The following CELF2 variants were observed in gnomAD, a reference collection of about 807,000 sequenced individuals.
CELF2 encodes CUGBP Elav-like family member 2, also known as CUG triplet repeat RNA-binding protein 2.
A neutral mutation model predicts 62.6 loss-of-function variants in CELF2; 8 were observed. The observed-to-expected ratio is 0.13, with a 90% confidence interval of 0.07 to 0.23. The LOEUF is 0.23. Ranked by LOEUF, CELF2 falls within the 10% of genes least tolerant of loss-of-function variation. CELF2 has a pLI of 1.00. For synonymous variants in CELF2, 258 were observed against 250.0 expected (o/e 1.03, Z -0.30); for missense variants, 333 against 671.0 (o/e 0.50, Z 5.56).
At position 10,995,388 on chromosome 10, in the gene CELF2, G is replaced by C. The variant is rs1053484729; in HGVS notation, c.89+75389G>C. Among the ~76,000 whole-genome samples, 2 of 152,064 alleles carry C rather than the reference G, an allele frequency of 1.3e-5. No individual in the cohort carries two copies. The highest frequency in any genetic ancestry group is 2.9e-5 in the Non-Finnish European group (2 of 68,006). On this transcript the variant is annotated intron_variant, in intron 2 of 13. Coordinates refer to the CELF2 transcript ENST00000636488. This position sits in a 1 kb window ranked among gnomAD's most constrained non-coding sequence, Gnocchi z 4.7. ...TTTTTGAGCACCTATTTTTATGCTTGGTGCTTGATATTTAAGCTCAGCCCT... is the reference window on the plus strand; with the variant it reads ...TTTTTGAGCACCTATTTTTATGCTTCGTGCTTGATATTTAAGCTCAGCCCT...
upstream of CELF2, chr10:10,798,527 G>T (rs2054303657): frequency 2.6e-6 from 1 of 382,548 alleles, no homozygotes; most frequent in South Asian, 1.5e-4. Context: ...TGATCAGTTG[G>T]AGCAGATTAC....
In CELF2 at chr10:11,268,612, T is replaced by C. The variant is rs3780991; in HGVS notation, c.618+1935T>C. Among the ~76,000 whole-genome samples the C allele has an allele frequency of 0.019, 2,869 of 152,316 alleles. 45 individuals carry two copies. Among genetic ancestry groups the C allele is most frequent in the South Asian group, 0.056 (272 of 4,826 alleles). On this transcript the variant is annotated intron_variant, in intron 6 of 12. Coordinates refer to ENST00000633077, the MANE Select transcript of CELF2 (RefSeq NM_001326342.2). This position sits in a 1 kb window ranked among gnomAD's most constrained non-coding sequence, Gnocchi z 4.7. The stretch of plus-strand genomic sequence containing the variant: ...TTTGATCCTTTATTATTAATATCTC[T>C]GTTATTTGAAAACCAAATTTGGTGT...
the CELF2 span, among the ~76,000 whole-genome samples, chr10:10,568,515 A>T: frequency 6.6e-6 from 1 of 152,112 alleles, no homozygotes; most frequent in African/African-American, 2.4e-5. Flanking sequence ...TACTATCTGG[A>T]CCTCTACCAA....
At chr10:11,115,472 A>G (rs2056348069) in intron 1 of CELF2, among the ~76,000 whole-genome samples, 2 of 152,186 alleles carry the variant, frequency 1.3e-5, no homozygotes, top group African/African-American at 4.8e-5. Context: ...TGTATTTGTG[A>G]GTCATAGGGA....
intron 1 of CELF2, among the ~76,000 whole-genome samples, chr10:10,823,184 A>G (rs2057107395): frequency 6.6e-6 from 1 of 152,250 alleles, no homozygotes; most frequent in Non-Finnish European, 1.5e-5. Flanking sequence ...ATAGAAAGAA[A>G]CAGAAAAAAT....
chr10:10,659,401 A>G, the CELF2 span, among the ~76,000 whole-genome samples: 1 of 152,226 alleles, frequency 6.6e-6, no homozygotes, highest in South Asian at 2.1e-4. Flanking sequence ...AGTAATTGCC[A>G]ATGAGTGTCA....
At chr10:10,552,623 G>T in the CELF2 span, among the ~76,000 whole-genome samples, 1 of 152,114 alleles carries the variant, frequency 6.6e-6, no homozygotes, top group African/African-American at 2.4e-5. Context: ...TGTGGGGGGC[G>T]GTGTGAAACA....
chr10:11,186,282 C>G (rs964890895), intron 2 of CELF2, among the ~76,000 whole-genome samples: 1 of 135,782 alleles, frequency 7.4e-6, no homozygotes, highest in Non-Finnish European at 1.6e-5. Flanking sequence ...AAGAACTAGC[C>G]TTTGGTTTTG....
At chr10:11,323,893 C>T (rs2095585539) in intron 11 of CELF2, among the ~76,000 whole-genome samples, 1 of 151,214 alleles carries the variant, frequency 6.6e-6, no homozygotes, top group Non-Finnish European at 1.5e-5. Flanking sequence ...ACCTTAGTTG[C>T]ATACAAGGGA....
the CELF2 span, among the ~76,000 whole-genome samples, chr10:10,785,200 G>A: frequency 1.3e-5 from 2 of 152,188 alleles, no homozygotes; most frequent in African/African-American, 4.8e-5. Context: ...CAGTGGCACC[G>A]AACCCACCCT....
At chr10:10,527,636 T>C in the CELF2 span, among the ~76,000 whole-genome samples, 1 of 152,212 alleles carries the variant, frequency 6.6e-6, no homozygotes, top group African/African-American at 2.4e-5. Flanking sequence ...TAATATGGCC[T>C]GGACCTTAGA....
At chr10:11,240,884 C>T (rs1040921055) in intron 3 of CELF2, among the ~76,000 whole-genome samples, 3 of 152,188 alleles carry the variant, frequency 2.0e-5, no homozygotes, top group Non-Finnish European at 4.4e-5. Context: ...TGTGGATGCA[C>T]ATGACAGGCG....
chr10:10,687,971 A>G, the CELF2 span, among the ~76,000 whole-genome samples: 1 of 152,230 alleles, frequency 6.6e-6, no homozygotes, highest in African/African-American at 2.4e-5. Flanking sequence ...TCAAGCATAC[A>G]AAGCCTTACC....
intron 1 of CELF2, among the ~76,000 whole-genome samples, chr10:10,831,299 G>T (rs2057834345): frequency 6.6e-6 from 1 of 152,200 alleles, no homozygotes; most frequent in African/African-American, 2.4e-5. Context: ...CTCCCTCAGG[G>T]TTGGCTGAAG....
the CELF2 span, among the ~76,000 whole-genome samples, chr10:10,523,768 G>A: frequency 6.6e-6 from 1 of 152,190 alleles, no homozygotes; most frequent in African/African-American, 2.4e-5. Context: ...TCATGATCAA[G>A]TGCAATGTCA....
the CELF2 span, among the ~76,000 whole-genome samples, chr10:10,586,088 G>C: frequency 1.3e-5 from 2 of 152,084 alleles, no homozygotes; most frequent in African/African-American, 2.4e-5. Flanking sequence ...ATAAAATAAG[G>C]CATGCTTTCA....
chr10:10,469,931 G>C, the CELF2 span, among the ~76,000 whole-genome samples: 2 of 151,852 alleles, frequency 1.3e-5, no homozygotes, highest in African/African-American at 4.8e-5. Flanking sequence ...AGTACAGGTT[G>C]AGCATCCCTA....
intron 1 of CELF2, among the ~76,000 whole-genome samples, chr10:10,825,356 C>G (rs557511590): frequency 2.6e-5 from 4 of 152,286 alleles, no homozygotes; most frequent in African/African-American, 9.6e-5. Context: ...ACTACAGGCG[C>G]CCGCCACCAA....
the CELF2 span, among the ~76,000 whole-genome samples, chr10:10,524,713 A>G: frequency 6.6e-6 from 1 of 152,176 alleles, no homozygotes. Flanking sequence ...GCAGTATTCA[A>G]ATGATGCCTC....
Sources: allele counts gnomAD v4.1 joint callset (sites outside exome capture counted in the v4.1 genomes callset), GRCh38; gene constraint gnomAD v4.1.1; non-coding constraint Gnocchi (gnomAD v3.1); transcripts MANE v1.5; gene names NCBI Gene and HGNC (gene_info 2026-07-23, HGNC 2026-07-21).